Variants in SLC44A5 observed in about 807,000 individuals in gnomAD.
SLC44A5 encodes solute carrier family 44 member 5.
SLC44A5 carries 57 observed loss-of-function variants against 101.8 expected under a neutral mutation model. The ratio of observed to expected loss-of-function variants is 0.56; its 90% confidence interval spans 0.45 to 0.70. SLC44A5 has a LOEUF of 0.70. Ranked by LOEUF, SLC44A5 falls within the 30% of genes least tolerant of loss-of-function variation. The pLI is 0.00. For missense variants in SLC44A5, 737 were observed against 853.1 expected (o/e 0.86, Z 1.70); for synonymous variants, 281 against 290.9 (o/e 0.97, Z 0.35).
chr1:75,647,130 G>T, the SLC44A5 span, among the ~76,000 whole-genome samples: 3 of 152,202 alleles, frequency 2.0e-5, no homozygotes, highest in Non-Finnish European at 2.9e-5. Context: ...CCAAGGCTTT[G>T]CTGCTTTGTG....
chr1:75,453,776 T>A (rs1666033606), intron 2 of SLC44A5, among the ~76,000 whole-genome samples: 2 of 152,240 alleles, frequency 1.3e-5, no homozygotes, highest in South Asian at 4.1e-4. Flanking sequence ...AATACCTTTA[T>A]GCACAGAAAC....
chr1:75,457,168 C>A (rs924134221), intron 2 of SLC44A5, among the ~76,000 whole-genome samples: 1 of 152,142 alleles, frequency 6.6e-6, no homozygotes, highest in East Asian at 1.9e-4. Flanking sequence ...TTAATTCTTT[C>A]TTTCGCCTGT....
intron 2 of SLC44A5, among the ~76,000 whole-genome samples, chr1:75,508,258 G>T (rs566466641): frequency 2.7e-4 from 41 of 152,186 alleles, no homozygotes; most frequent in African/African-American, 9.9e-4. Context: ...TACTTTTGGG[G>T]AAACAATAAA....
the SLC44A5 span, among the ~76,000 whole-genome samples, chr1:75,646,093 T>G: frequency 3.0e-5 from 4 of 135,256 alleles, 1 homozygote; most frequent in South Asian, 6.3e-4. Context: ...TCTTTTGGCT[T>G]AGGATTGACT....
intron 2 of SLC44A5, among the ~76,000 whole-genome samples, chr1:75,465,652 AAG>A (rs1192826151): frequency 3.3e-5 from 5 of 152,132 alleles, no homozygotes; most frequent in African/African-American, 1.2e-4. Flanking sequence ...CTAAGAAAAA[AAG>A]AGAGAAGACC....
At chr1:75,683,751 TATA>T in the SLC44A5 span, among the ~76,000 whole-genome samples, 1 of 92,386 alleles carries the variant, frequency 1.1e-5, no homozygotes, top group African/African-American at 4.9e-5. Flanking sequence ...AAACTTAAAG[TATA>T]ATAACAAATA....
chr1:75,311,140 G>A (rs370762774), intron 4 of SLC44A5, among the ~76,000 whole-genome samples: 2 of 149,006 alleles, frequency 1.3e-5, no homozygotes, highest in South Asian at 2.1e-4. Context: ...TTTTTGAGAT[G>A]GAGTCTCTCT....
At chr1:75,558,892 C>T in intron 1 of SLC44A5, among the ~76,000 whole-genome samples, 1 of 152,014 alleles carries the variant, frequency 6.6e-6, no homozygotes, top group Admixed American at 6.6e-5. Flanking sequence ...CATAAGCTTA[C>T]TGATGAGACT....
Position 75,227,748 on chromosome 1 carries a change from C to T in SLC44A5, c.963G>A (p.Leu321=). 1 of 1,555,112 alleles carries T rather than the reference C, an allele frequency of 6.4e-7. No homozygotes were observed. The highest frequency in any genetic ancestry group is 1.3e-5 in the South Asian group (1 of 79,656). Residue 321 remains leucine (L), a synonymous_variant, in exon 13 of 24, where the codon CTG becomes CTA. Coordinates refer to ENST00000370859, the MANE Select transcript of SLC44A5 (RefSeq NM_001130058.2). ...CACTAAATGTGAACCATGTTTGTTG[C>T]AGTTCAAAGTACATGCTTATGTTAG... ...IQTNISMYFE[L]QQTWFTFMII...
intron 2 of SLC44A5, among the ~76,000 whole-genome samples, chr1:75,430,588 G>C (rs145695368): frequency 1.3e-5 from 2 of 152,156 alleles, no homozygotes; most frequent in South Asian, 2.1e-4. Context: ...TCATTGATGT[G>C]CCAAGAAACT....
chr1:75,280,484 A>T (rs1408180966), intron 5 of SLC44A5, among the ~76,000 whole-genome samples: 1 of 121,566 alleles, frequency 8.2e-6, no homozygotes, highest in Admixed American at 1.1e-4. Context: ...AATTGTATAT[A>T]TTATATATAT....
intron 6 of SLC44A5, 23 bp from the exon 7 acceptor site, chr1:75,251,317 C>A (rs1397478784): frequency 1.3e-6 from 2 of 1,568,648 alleles, no homozygotes; most frequent in Non-Finnish European, 1.8e-6. Context: ...AAAACATAAT[C>A]TTTTTAGTGA....
intron 1 of SLC44A5, among the ~76,000 whole-genome samples, chr1:75,571,449 C>A (rs1032717160): frequency 6.6e-6 from 1 of 152,100 alleles, no homozygotes; most frequent in Admixed American, 6.5e-5. Flanking sequence ...AATAGGTCAA[C>A]TTAATTTTTT....
intron 2 of SLC44A5, among the ~76,000 whole-genome samples, chr1:75,452,225 G>T (rs1386192202): frequency 6.6e-6 from 1 of 152,166 alleles, no homozygotes. Flanking sequence ...TACAAGCCAG[G>T]AGAGATTGAG....
At chr1:75,319,357 T>C (rs1249664) in intron 4 of SLC44A5, among the ~76,000 whole-genome samples, 21,319 of 152,168 alleles carry the variant, frequency 0.14, 2,583 homozygotes, top group African/African-American at 0.33. Context: ...CCCAGGATAA[T>C]AGGTTGAATT....
the SLC44A5 span, among the ~76,000 whole-genome samples, chr1:75,618,698 G>A: frequency 6.6e-6 from 1 of 152,164 alleles, no homozygotes; most frequent in Non-Finnish European, 1.5e-5. Context: ...TGTGTAAGAT[G>A]TTACTATACT....
intron 5 of SLC44A5, among the ~76,000 whole-genome samples, chr1:75,277,415 T>G (rs1432402087): frequency 3.9e-5 from 6 of 152,158 alleles, no homozygotes; most frequent in East Asian, 1.9e-4. Flanking sequence ...AATTTATCAC[T>G]CAAAATCACA....
intron 5 of SLC44A5, among the ~76,000 whole-genome samples, chr1:75,276,902 T>C (rs771452280): frequency 6.6e-6 from 1 of 152,112 alleles, no homozygotes; most frequent in Non-Finnish European, 1.5e-5. Flanking sequence ...GTGTGGAACA[T>C]GTCTGTCAGT....
chr1:75,271,146 C>A (rs1651433480), intron 6 of SLC44A5, among the ~76,000 whole-genome samples: 1 of 151,990 alleles, frequency 6.6e-6, no homozygotes. Context: ...GTCAACTAGT[C>A]CCCTATAAAT....
Sources: allele counts gnomAD v4.1 joint callset (sites outside exome capture counted in the v4.1 genomes callset), GRCh38; gene constraint gnomAD v4.1.1; transcripts MANE v1.5; gene names NCBI Gene and HGNC (gene_info 2026-07-23, HGNC 2026-07-21).